The following WNK1 variants were observed in gnomAD, a reference collection of about 807,000 sequenced individuals.
WNK1 encodes the protein serine/threonine-protein kinase WNK1.
In WNK1, 38 loss-of-function variants were observed where a neutral mutation model predicts 222.8. The ratio of observed to expected loss-of-function variants is 0.17; its 90% CI spans 0.13 to 0.22. The LOEUF (loss-of-function observed/expected upper bound fraction) is 0.22. Ranked by LOEUF, WNK1 falls within the 10% of genes least tolerant of loss-of-function variation. WNK1 has a pLI of 1.00. For missense variants in WNK1, 2,348 were observed against 2,918.4 expected, an observed-to-expected ratio of 0.80 and a Z score of 4.50; for synonymous variants, 1,090 against 1,092.9, an observed-to-expected ratio of 1.00 and a Z score of 0.05.
At position 879,583 on chromosome 12, in the gene WNK1, C is replaced by T; in HGVS notation, c.2384C>T (p.Ser795Phe). ...TCTTTACCTTCCCAGCTTCCAGTTTCCCAGCCAGTACCAACTATCCAAGGC... is the reference window on the plus strand; with the variant it reads ...TCTTTACCTTCCCAGCTTCCAGTTTTCCAGCCAGTACCAACTATCCAAGGC... ...QVSAGKQLPV[S>F]QPVPTIQGEP... The change falls in exon 11 of 28, where the codon TCC becomes TTC. Residue 795 changes from serine (S) to phenylalanine (F), a missense_variant. Around this residue, in one of 13 missense-constraint regions of WNK1, gnomAD observed 547 missense variants for 558.3 expected, o/e 0.98. Coordinates refer to ENST00000315939, the MANE Select transcript of WNK1 (RefSeq NM_018979.4). 1 of 1,560,378 alleles carries T rather than the reference C, an allele frequency of 6.4e-7. No individual in the cohort carries two copies. The highest frequency in any genetic ancestry group is 8.7e-7 in the Non-Finnish European group (1 of 1,149,096).
At chr12:907,670 C>A in intron 26 of WNK1, 177 bp from the exon 27 acceptor site, 1 of 781,088 alleles carries the variant, frequency 1.3e-6, no homozygotes, top group East Asian at 2.5e-5. Flanking sequence ...TTTCATCACC[C>A]TATTATACCA....
intron 5 of WNK1, among the ~76,000 whole-genome samples, chr12:857,891 C>A (rs186144821): frequency 3.3e-5 from 5 of 152,226 alleles, no homozygotes; most frequent in East Asian, 3.9e-4. Flanking sequence ...TTTGCCACCC[C>A]CTTCCATCCT....
Position 909,107 on chromosome 12 carries a change from G to T in WNK1, c.*315G>T, listed in dbSNP as rs1955928572. The T allele has an allele frequency of 5.6e-6, 2 of 355,820 alleles. No individual in the cohort carries two copies. Among genetic ancestry groups the T allele is most frequent in the African/African-American group, 4.2e-5 (2 of 47,982 alleles). The allele number at this position is 355,820 out of a possible 1,614,324, so 22.0% of individuals were successfully genotyped here. On this transcript the variant is annotated 3_prime_UTR_variant, in exon 28 of 28. Transcript: ENST00000315939. ...AAGTCTTGTTCATAAGGAAGCTGGA[G>T]AACTCAATGTAAAATCAAACCCATC...
intron 8 of WNK1, chr12:865,407 A>G: frequency 3.3e-6 from 5 of 1,514,328 alleles, no homozygotes; most frequent in Non-Finnish European, 4.4e-6. Flanking sequence ...ATTATTACCA[A>G]TGAATACATC....
chr12:804,918 A>G (rs7953956), intron 1 of WNK1, among the ~76,000 whole-genome samples: 112 of 146,604 alleles, frequency 7.6e-4, no homozygotes, highest in Non-Finnish European at 1.2e-3. Context: ...TTTTATATAT[A>G]TAATTAATAT....
chr12:900,704 A>G, intron 26 of WNK1, 34 bp downstream of exon 26: 6 of 1,613,392 alleles, frequency 3.7e-6, no homozygotes, highest in Non-Finnish European at 5.1e-6. Flanking sequence ...CAAAAACAAT[A>G]AAATGGAGAT....
chr12:796,247 C>G (rs1181086443), intron 1 of WNK1, among the ~76,000 whole-genome samples: 3 of 152,080 alleles, frequency 2.0e-5, no homozygotes, highest in Non-Finnish European at 4.4e-5. Flanking sequence ...AATCTGCCTT[C>G]AAATAATATT....
At chr12:868,617 A>G (rs1236399587) in intron 8 of WNK1, 3 of 1,613,898 alleles carry the variant, frequency 1.9e-6, no homozygotes, top group Admixed American at 1.7e-5. Flanking sequence ...AGCAGAAGCA[A>G]CTGTGTATTT....
intron 1 of WNK1, among the ~76,000 whole-genome samples, chr12:801,892 T>G (rs1945916000): frequency 6.6e-6 from 1 of 152,194 alleles, no homozygotes; most frequent in Admixed American, 6.5e-5. Context: ...TGTATTTACT[T>G]TGTTTTTTGA....
At chr12:859,952 G>C (rs983525488) in intron 6 of WNK1, among the ~76,000 whole-genome samples, 4 of 152,046 alleles carry the variant, frequency 2.6e-5, no homozygotes, top group African/African-American at 9.7e-5. Context: ...CTTATGTCAA[G>C]TGATCATCCC....
At chr12:880,632 TTC>T (rs1488743033) in intron 11 of WNK1, 87 bp from the exon 12 acceptor site, 7 of 1,325,588 alleles carry the variant, frequency 5.3e-6, no homozygotes, top group Admixed American at 1.8e-5. Context: ...TGCTGTGTGC[TTC>T]TTTTTTTTTT....
chr12:861,426 T>C, intron 7 of WNK1, 83 bp downstream of exon 7: 1 of 1,366,016 alleles, frequency 7.3e-7, no homozygotes, highest in Non-Finnish European at 1.0e-6. Flanking sequence ...GCACTGGCTT[T>C]TTGGTTTTGA....
intron 6 of WNK1, among the ~76,000 whole-genome samples, chr12:859,995 T>G (rs1296234102): frequency 4.6e-5 from 7 of 152,026 alleles, no homozygotes; most frequent in Non-Finnish European, 8.8e-5. Flanking sequence ...GGAGTACAGG[T>G]GTGAGCCACT....
intron 1 of WNK1, among the ~76,000 whole-genome samples, chr12:779,447 C>G (rs756024843): frequency 1.3e-4 from 19 of 149,254 alleles, no homozygotes; most frequent in Admixed American, 1.3e-3. Context: ...CTTTGTAGCC[C>G]GGGCTGGAGT....
intron 2 of WNK1, among the ~76,000 whole-genome samples, chr12:823,898 ATCTTT>A (rs1265716417): frequency 4.2e-4 from 53 of 125,326 alleles, no homozygotes; most frequent in African/African-American, 1.6e-3. Flanking sequence ...TATCAGAGAC[ATCTTT>A]TTTTTTTTTT....
At chr12:887,464 G>A (rs1409759541) in intron 20 of WNK1, among the ~76,000 whole-genome samples, 160 bp downstream of exon 20, 1 of 152,154 alleles carries the variant, frequency 6.6e-6, no homozygotes. Context: ...TCCTACTTAA[G>A]TAAGAAGCTT....
intron 8 of WNK1, among the ~76,000 whole-genome samples, chr12:863,252 A>AT (rs1010132562): frequency 8.6e-5 from 13 of 152,028 alleles, no homozygotes; most frequent in East Asian, 1.9e-4. Context: ...TGCTTGTTCG[A>AT]TTTTTTATCC....
chr12:792,717 G>A (rs912153689), intron 1 of WNK1, among the ~76,000 whole-genome samples: 1 of 152,146 alleles, frequency 6.6e-6, no homozygotes, highest in Non-Finnish European at 1.5e-5. Flanking sequence ...GAACCTGGAA[G>A]TTCTTTCTTG....
intron 25 of WNK1, among the ~76,000 whole-genome samples, chr12:899,393 C>T (rs1024935199): frequency 5.9e-5 from 9 of 152,034 alleles, no homozygotes; most frequent in Non-Finnish European, 2.9e-5. Context: ...CCCAGCCTCC[C>T]AAGTAGCTGG....
Sources: gnomAD v4.1 joint callset for allele counts (sites outside exome capture counted in the v4.1 genomes callset) on GRCh38, gnomAD v4.1.1 for gene constraint, gnomAD v4.1.1 regional missense constraint, MANE v1.5 for transcripts, NCBI Gene and HGNC (gene_info 2026-07-23, HGNC 2026-07-21) for gene names.